NELL2: variants seen among roughly 807,000 people sequenced by gnomAD.
NELL2 encodes protein kinase C-binding protein NELL2.
NELL2 carries 41 observed loss-of-function variants against 109.6 expected under a neutral mutation model. That is an observed-to-expected ratio of 0.37 (90% CI 0.29 to 0.49). The LOEUF (loss-of-function observed/expected upper bound fraction) is 0.49. Ranked by LOEUF, NELL2 falls within the 20% of genes least tolerant of loss-of-function variation. The probability of loss-of-function intolerance (pLI) is 0.98; values close to 1 mark genes in which losing one functional copy is unlikely to be tolerated. For synonymous variants in NELL2, 355 were observed against 344.7 expected (o/e 1.03, Z -0.33); for missense variants, 900 against 1,008.3 (o/e 0.89, Z 1.45).
chr12:44,703,386 G>C (rs1445945907), intron 12 of NELL2, among the ~76,000 whole-genome samples: 1 of 151,982 alleles, frequency 6.6e-6, no homozygotes, highest in African/African-American at 2.4e-5. Flanking sequence ...ACACTGTCTG[G>C]AAAAATCTGA....
At chr12:44,637,370 C>G (rs556489741) in intron 13 of NELL2, among the ~76,000 whole-genome samples, 2 of 150,494 alleles carry the variant, frequency 1.3e-5, no homozygotes, top group African/African-American at 4.9e-5. Flanking sequence ...AGGCACTATG[C>G]TACACGTTGG....
At chr12:44,733,576 T>C (rs1939485035) in intron 9 of NELL2, among the ~76,000 whole-genome samples, 1 of 151,986 alleles carries the variant, frequency 6.6e-6, no homozygotes, top group Non-Finnish European at 1.5e-5. Context: ...ATAAGGAGTT[T>C]CTATTCAATG....
chr12:44,767,401 C>G (rs1421080773), intron 9 of NELL2, among the ~76,000 whole-genome samples: 1 of 152,230 alleles, frequency 6.6e-6, no homozygotes, highest in East Asian at 1.9e-4. Flanking sequence ...TCAGCACTTC[C>G]ACCTGGTGCT....
chr12:44,877,357 T>A (rs930414176), upstream of NELL2, among the ~76,000 whole-genome samples: 1 of 152,204 alleles, frequency 6.6e-6, no homozygotes. Flanking sequence ...CAATGGTACA[T>A]AATATTTTTT....
Position 44,676,835 on chromosome 12 carries a change from G to A in NELL2, c.1319-11226C>T, listed in dbSNP as rs777303742. Among the ~76,000 whole-genome samples, 74 of 152,196 alleles carry A rather than the reference G, an allele frequency of 4.9e-4. No individual in the cohort carries two copies. The Middle Eastern group carries it at 0.014, about 28-fold the overall frequency. On this transcript the variant is annotated intron_variant, in intron 12 of 19. Transcript: ENST00000429094. Reference sequence around the variant, plus strand: ...TGGAATGTGGGGAACAAAGGCATGTGTAGATTTGTCCATATAATAGTTTCT... The same window carrying A: ...TGGAATGTGGGGAACAAAGGCATGTATAGATTTGTCCATATAATAGTTTCT...
chr12:44,685,798 T>C (rs1006195574), intron 12 of NELL2, among the ~76,000 whole-genome samples: 6 of 152,214 alleles, frequency 3.9e-5, no homozygotes, highest in Non-Finnish European at 7.3e-5. Context: ...GTTAGTCTGA[T>C]GGGCTTCCCT....
At chr12:44,843,029 T>G (rs1944273242) in intron 2 of NELL2, among the ~76,000 whole-genome samples, 1 of 152,200 alleles carries the variant, frequency 6.6e-6, no homozygotes, top group African/African-American at 2.4e-5. Flanking sequence ...TGTTTTACGC[T>G]ACTAAGTGTG....
At chr12:44,671,004 G>A (rs189081002) in intron 12 of NELL2, among the ~76,000 whole-genome samples, 102 of 152,202 alleles carry the variant, frequency 6.7e-4, no homozygotes, top group African/African-American at 2.3e-3. Context: ...TTCCTCTACC[G>A]ATACATGGAA....
intron 3 of NELL2, among the ~76,000 whole-genome samples, chr12:44,782,907 T>C (rs746594518): frequency 1.2e-4 from 19 of 152,018 alleles, no homozygotes; most frequent in Admixed American, 3.3e-4. Context: ...TCAACACTTA[T>C]AGAACATACC....
At chr12:44,774,932 T>C (rs1566364601) in intron 8 of NELL2, 83 bp from the exon 9 acceptor site, 1 of 1,040,284 alleles carries the variant, frequency 9.6e-7, no homozygotes, top group East Asian at 2.5e-5. Context: ...CCTTAAATTT[T>C]AAACTCTTCA....
chr12:44,638,356 A>T (rs941810953), intron 13 of NELL2, among the ~76,000 whole-genome samples: 3 of 152,070 alleles, frequency 2.0e-5, no homozygotes, highest in Non-Finnish European at 4.4e-5. Flanking sequence ...GAGGTAAATG[A>T]CCTTTTGAGG....
Position 44,875,246 on chromosome 12 carries a change from T to A in NELL2, c.163A>T (p.Thr55Ser). The A allele has an allele frequency of 6.2e-7, 1 of 1,613,652 alleles. No homozygotes were observed. The highest frequency in any genetic ancestry group is 8.5e-7 in the Non-Finnish European group (1 of 1,179,780). ...VRQVPGLHNGTKAFLFQDTPR... is the reference protein window; with the variant it reads ...VRQVPGLHNGSKAFLFQDTPR... ...ATACCTTGAAAGAGAAAGGCTTTCG[T>A]CCCATTATGCAGCCCCGGGACCTGA... Residue 55 changes from threonine (T) to serine (S), a missense_variant, in exon 2 of 20, where the codon ACG becomes TCG. This residue lies in a region of NELL2 where 200 missense variants were observed against 191.8 expected (regional missense o/e 1.04). Coordinates refer to ENST00000429094, the MANE Select transcript of NELL2 (RefSeq NM_001145108.2).
rs568242246 is a variant in NELL2, at chr12:44,619,680, C to A, written c.1445-8710G>T. Among the ~76,000 whole-genome samples, 73 of 151,780 alleles carry A rather than the reference C, an allele frequency of 4.8e-4. 1 individual carries two copies. In the South Asian group the frequency reaches 8.5e-3, roughly 18 times the overall value. ...GGAGGAGGAGGAGGGATGTTGACAA[C>A]AAAGAAAAACAGAAAGAAACTTGAG... is the stretch of plus-strand genomic sequence containing the variant. On this transcript the variant is annotated intron_variant, in intron 13 of 19. Transcript: ENST00000429094.
At chr12:44,635,874 C>A (rs1019320052) in intron 13 of NELL2, among the ~76,000 whole-genome samples, 62 of 152,120 alleles carry the variant, frequency 4.1e-4, no homozygotes, top group Non-Finnish European at 8.4e-4. Flanking sequence ...TTACTTTGGG[C>A]AGTATGGCCA....
At chr12:44,668,136 A>T (rs151099006) in intron 12 of NELL2, among the ~76,000 whole-genome samples, 47 of 152,270 alleles carry the variant, frequency 3.1e-4, no homozygotes, top group African/African-American at 1.1e-3. Context: ...ATGCTGCCAT[A>T]ATACCAGCTG....
chr12:44,799,483 T>C (rs867545716), intron 3 of NELL2, among the ~76,000 whole-genome samples: 2 of 141,642 alleles, frequency 1.4e-5, no homozygotes, highest in Middle Eastern at 3.5e-3. Flanking sequence ...ATTCTCCAAG[T>C]TGGTGTTCAC....
At chr12:44,762,682 A>T (rs182866446) in intron 9 of NELL2, among the ~76,000 whole-genome samples, 1 of 152,168 alleles carries the variant, frequency 6.6e-6, no homozygotes, top group Non-Finnish European at 1.5e-5. Context: ...TGAATATTCA[A>T]TCTCTCAGCT....
intron 15 of NELL2, among the ~76,000 whole-genome samples, chr12:44,601,135 C>T (rs1032858515): frequency 2.6e-5 from 4 of 152,110 alleles, no homozygotes; most frequent in African/African-American, 9.7e-5. Flanking sequence ...GACCTGCTCT[C>T]TAACAGCTTG....
chr12:44,806,082 A>G (rs914811096), intron 3 of NELL2, among the ~76,000 whole-genome samples: 2 of 151,372 alleles, frequency 1.3e-5, no homozygotes, highest in African/African-American at 4.8e-5. Flanking sequence ...AGTATTGACT[A>G]GACTGCACAT....
Sources: allele counts gnomAD v4.1 joint callset (sites outside exome capture counted in the v4.1 genomes callset), GRCh38; gene constraint gnomAD v4.1.1; regional missense constraint gnomAD v4.1.1; transcripts MANE v1.5; gene names NCBI Gene and HGNC (gene_info 2026-07-23, HGNC 2026-07-21).